KRT14: variants seen among roughly 807,000 people sequenced by gnomAD.
KRT14 encodes the protein keratin 14.
Under a neutral mutation model 44.5 loss-of-function variants are expected in KRT14, and 30 were observed. The ratio of observed to expected loss-of-function variants is 0.67; its 90% CI spans 0.50 to 0.92. The LOEUF is 0.92. Ranked by LOEUF, KRT14 falls within the 40% of genes least tolerant of loss-of-function variation. The probability of loss-of-function intolerance (pLI) is 0.00; values close to 1 mark genes in which losing one functional copy is unlikely to be tolerated. For synonymous variants in KRT14, 241 were observed against 257.6 expected (o/e 0.94, Z 0.62); for missense variants, 535 against 640.6 (o/e 0.84, Z 1.78).
At position 41,583,755 on chromosome 17, in the gene KRT14, C is replaced by T; in HGVS notation, c.927+5G>A. The T allele has an allele frequency of 6.2e-7, 1 of 1,614,262 alleles. No homozygotes were observed. The highest frequency in any genetic ancestry group is 8.5e-7 in the Non-Finnish European group (1 of 1,180,044). On this transcript the variant is annotated splice_donor_5th_base_variant and intron_variant, in intron 4 of 7. Transcript: ENST00000167586. The stretch of plus-strand genomic sequence containing the variant: ...TGGGTTCCTTCCACCTCAAATGACA[C>T]CCACCTTGGTGAAGAACCATTCCTC...
At position 41,586,668 on chromosome 17, in the gene KRT14, C is replaced by T. The variant is rs1427865521; in HGVS notation, c.167G>A (p.Arg56His). 7 of 1,601,068 alleles carry T rather than the reference C, an allele frequency of 4.4e-6. No homozygotes were observed. The highest frequency in any genetic ancestry group is 3.5e-5 in the Admixed American group (2 of 57,286). ...YGGGLSVSSS[R>H]FSSGGACGLG... is the part of the protein sequence containing the mutation. ...CCCGCAGGCTCCCCCAGAGGAGAAG[C>T]GGGAGGATGAGACAGACAGGCCGCC... The change falls in exon 1 of 8, where the codon CGC becomes CAC. Residue 56 changes from arginine to histidine, a missense_variant. Arg to His is a conservative substitution (Grantham distance 29, BLOSUM62 0). Coordinates refer to ENST00000167586, the MANE Select transcript of KRT14 (RefSeq NM_000526.5).
chr17:41,582,608 A>C, intron 7 of KRT14, 76 bp from the exon 8 acceptor site: 1 of 1,242,586 alleles, frequency 8.0e-7, no homozygotes, highest in Non-Finnish European at 1.2e-6. Context: ...GAGGCCAAGA[A>C]GGTGAGGAAA....
chr17:41,586,227 C>G (rs1414142488), intron 1 of KRT14, 83 bp downstream of exon 1: 14 of 1,567,456 alleles, frequency 8.9e-6, no homozygotes, highest in African/African-American at 1.4e-5. Context: ...ATAGAGAAAT[C>G]TTAAGGTCTC....
In KRT14 at chr17:41,584,736, T is replaced by A. The variant is rs183705559; in HGVS notation, c.608+239A>T. Among the ~76,000 whole-genome samples the A allele has an allele frequency of 2.0e-5, 3 of 152,234 alleles. No individual in the cohort carries two copies. In the East Asian group the frequency reaches 5.8e-4, roughly 29 times the overall value. ...GGCAGCTGGGGAAGTGGAAAGTGCC[T>A]CTCCCTAAAGCAGCGGTTCTGAAAC... On this transcript the variant is annotated intron_variant, in intron 2 of 7. Transcript: ENST00000167586.
chr17:41,586,507 G>C lies in KRT14; in HGVS notation c.328C>G (p.Leu110Val), dbSNP rs748396111. Residue 110 changes from leucine (L) to valine (V), a missense_variant, in exon 1 of 8, where the codon CTT (leucine) becomes GTT (valine). By Grantham distance (32) the Leu-to-Val change is conservative. Transcript: ENST00000167586. ...FGGGFAGGDG[L>V]LVGSEKVTMQ... ...GTCACCTTCTCACTGCCCACCAGAA[G>C]CCCATCACCACCAGCAAAGCCACCA... The C allele has an allele frequency of 4.8e-5, 78 of 1,613,994 alleles. No individual in the cohort carries two copies. The highest frequency in any genetic ancestry group is 6.6e-5 in the Non-Finnish European group (78 of 1,180,026).
In KRT14 at chr17:41,586,381, G is replaced by A; in HGVS notation, c.454C>T (p.Gln152Ter). 1.2e-6 allele frequency: 2 copies of A among 1,613,638 alleles called. No homozygotes were observed. The highest frequency in any genetic ancestry group is 2.2e-5 in the East Asian group (1 of 44,878). Reference protein sequence around the residue: ...DLEVKIRDWYQRQRPAEIKDY... With the variant: ...DLEVKIRDWY ...TTGATCTCAGCAGGCCGCTGCCTCT[G>A]GTACCAGTCACGGATCTTCACTTCC... is the stretch of plus-strand genomic sequence containing the variant. The change falls in exon 1 of 8, where the codon CAG (glutamine) becomes TAG (stop). Residue 152 changes from glutamine to a stop codon, truncating the protein, a stop_gained. Transcript: ENST00000167586. LOFTEE classifies it high-confidence loss of function.
At chr17:41,582,732 A>G (rs1907376335) in intron 7 of KRT14, 200 bp from the exon 8 acceptor site, 1 of 630,370 alleles carries the variant, frequency 1.6e-6, no homozygotes, top group Non-Finnish European at 2.9e-6. Context: ...CAAAGGTCAG[A>G]GACAGAGTCT....
In KRT14 at chr17:41,584,526, G is replaced by T. The variant is rs1272483919; in HGVS notation, c.609-113C>A. 38 of 1,178,936 alleles carry T rather than the reference G, an allele frequency of 3.2e-5. No homozygotes were observed. In the Admixed American group the frequency reaches 6.5e-4, roughly 20 times the overall value. The allele number at this position is 1,178,936 out of a possible 1,614,324, so 73.0% of individuals were successfully genotyped here. A position where few individuals can be genotyped will look rare whatever the true frequency, so the allele number is the denominator to read the frequency against. On this transcript the variant is annotated intron_variant, in intron 2 of 7. Transcript: ENST00000167586. Reference sequence around the variant, plus strand: ...GCTGGTGCCTTGTGGGTGGTTTAAGGAGCCAATCTTGAAAATGGCGTGGTT... The same window carrying T: ...GCTGGTGCCTTGTGGGTGGTTTAAGTAGCCAATCTTGAAAATGGCGTGGTT...
At chr17:41,584,493 C>T in intron 2 of KRT14, 80 bp from the exon 3 acceptor site, 1 of 1,522,672 alleles carries the variant, frequency 6.6e-7, no homozygotes, top group Non-Finnish European at 9.1e-7. Context: ...CCTGCAGCTT[C>T]TCCCAGAGCT....
chr17:41,583,894 C>G lies in KRT14; in HGVS notation c.793G>C (p.Gly265Arg), dbSNP rs1218847749. 2 of 1,613,996 alleles carry G rather than the reference C, an allele frequency of 1.2e-6. No homozygotes were observed. Among genetic ancestry groups the G allele is most frequent in the East Asian group, 2.2e-5 (1 of 44,876 alleles). Residue 265 changes from glycine to arginine, a missense_variant, in exon 4 of 8, where the codon GGT becomes CGT. Gly to Arg is a moderately radical substitution (Grantham distance 125, BLOSUM62 -2). Coordinates refer to ENST00000167586, the MANE Select transcript of KRT14 (RefSeq NM_000526.5). Reference sequence around the variant, plus strand: ...TCCATCTCCACATTGACATCTCCACCCACCTGGCCTCTCAGGGCATTCATC... The same window carrying G: ...TCCATCTCCACATTGACATCTCCACGCACCTGGCCTCTCAGGGCATTCATC... ...EEMNALRGQV[G>R]GDVNVEMDAA...
intron 2 of KRT14, 146 bp from the exon 3 acceptor site, chr17:41,584,559 G>A (rs1907463167): frequency 2.5e-6 from 2 of 805,064 alleles, no homozygotes; most frequent in Admixed American, 4.1e-5. Flanking sequence ...GTTGAACACA[G>A]TGCCCATTGA....
At position 41,582,960 on chromosome 17, in the gene KRT14, A is replaced by G. The variant is rs529917168; in HGVS notation, c.1321+134T>C. The G allele has an allele frequency of 3.9e-5, 34 of 878,146 alleles. No homozygotes were observed. The East Asian group carries it at 6.3e-4, about 16-fold the overall frequency. The allele number at this position is 878,146 out of a possible 1,614,324, so 54.4% of individuals were successfully genotyped here. ...GTTTAGAAAATAGCTTCTTCCACCC[A>G]AGGAGGTTCACAAGGGAAACTGGGT... On this transcript the variant is annotated intron_variant, in intron 7 of 7. Coordinates refer to ENST00000167586, the MANE Select transcript of KRT14 (RefSeq NM_000526.5).
In KRT14 at chr17:41,584,034, TCTCTC is replaced by T. The variant is rs1907435326; in HGVS notation, c.766-118_766-114del. On this transcript the variant is annotated intron_variant, in intron 3 of 7. Coordinates refer to ENST00000167586, the MANE Select transcript of KRT14 (RefSeq NM_000526.5). The stretch of plus-strand genomic sequence containing the variant: ...TCACAATTCTATCTCGACTCTCCCT[TCTCTC>T]TCTCTCTCTCAATCTCTCTCTCTCT... The T allele has an allele frequency of 4.8e-6, 3 of 627,044 alleles. No individual in the cohort carries two copies. In the East Asian group the frequency reaches 1.3e-4, roughly 28 times the overall value. The allele number at this position is 627,044 out of a possible 1,614,324, so 38.8% of individuals were successfully genotyped here.
At chr17:41,584,453 T>G in intron 2 of KRT14, 40 bp from the exon 3 acceptor site, 1 of 1,611,142 alleles carries the variant, frequency 6.2e-7, no homozygotes, top group Non-Finnish European at 8.5e-7. Context: ...ACACCCATCC[T>G]GATCACAGCG....
intron 1 of KRT14, among the ~76,000 whole-genome samples, chr17:41,585,464 T>G (rs1005442129): frequency 1.3e-5 from 2 of 152,176 alleles, no homozygotes; most frequent in Non-Finnish European, 2.9e-5. Context: ...TCTGCAGATA[T>G]GCACATTCCT....
Position 41,583,111 on chromosome 17 carries a change from G to T in KRT14, c.1304C>A (p.Ser435Ter), listed in dbSNP as rs149391578. Residue 435 changes from serine to a stop codon, truncating the protein, a stop_gained, in exon 7 of 8, where the codon TCG (serine) becomes TAG (stop). Transcript: ENST00000167586. LOFTEE classifies it high-confidence loss of function. ...HLSSSQFSSG[S>*]QSSRDVTSSS... ...GGTCTTACCATCTCTGGATGACTGC[G>T]ATCCAGAGGAGAACTGGGAGGAGGA... is the stretch of plus-strand genomic sequence containing the variant. 2.5e-5 allele frequency: 41 copies of T among 1,612,954 alleles called. No individual in the cohort carries two copies. Among genetic ancestry groups the T allele is most frequent in the East Asian group, 4.5e-5 (2 of 44,846 alleles).
At chr17:41,586,243 C>T in intron 1 of KRT14, 67 bp downstream of exon 1, 1 of 1,597,070 alleles carries the variant, frequency 6.3e-7, no homozygotes, top group Non-Finnish European at 8.6e-7. Flanking sequence ...GTCTCAGGGG[C>T]CTGGGGCATG....
chr17:41,586,253 G>A, intron 1 of KRT14, 57 bp downstream of exon 1: 2 of 1,605,048 alleles, frequency 1.2e-6, no homozygotes, highest in Admixed American at 3.3e-5. Flanking sequence ...CCTGGGGCAT[G>A]AATTGTTCCC....
At position 41,583,616 on chromosome 17, in the gene KRT14, C is replaced by T. The variant is rs781073624; in HGVS notation, c.988G>A (p.Glu330Lys). Residue 330 changes from glutamate (E) to lysine (K), a missense_variant, in exon 5 of 8, where the codon GAG becomes AAG. By Grantham distance (56) the Glu-to-Lys change is moderately conservative. Coordinates refer to ENST00000167586, the MANE Select transcript of KRT14 (RefSeq NM_000526.5). ...ATGGTGCGCCGGAGCTCCGAGATCTCGCTCTTGCCGCTCTGCACCAGCTCG... is the reference window on the plus strand; with the variant it reads ...ATGGTGCGCCGGAGCTCCGAGATCTTGCTCTTGCCGCTCTGCACCAGCTCG... ...NSELVQSGKS[E>K]ISELRRTMQN... is the part of the protein sequence containing the mutation. 1.4e-5 allele frequency: 23 copies of T among 1,614,090 alleles called. No homozygotes were observed. Among genetic ancestry groups the T allele is most frequent in the South Asian group, 6.6e-5 (6 of 91,088 alleles).
Sources: gnomAD v4.1 joint callset for allele counts (sites outside exome capture counted in the v4.1 genomes callset) on GRCh38, gnomAD v4.1.1 for gene constraint, MANE v1.5 for transcripts, NCBI Gene and HGNC (gene_info 2026-07-23, HGNC 2026-07-21) for gene names.